Variants in ANTXR2 observed in about 807,000 individuals in gnomAD.
ANTXR2 encodes the protein anthrax toxin receptor 2.
In ANTXR2, 44 loss-of-function variants were observed where a neutral mutation model predicts 73.7. The observed-to-expected ratio is 0.60, with a 90% CI of 0.47 to 0.77. The LOEUF is 0.77. Ranked by LOEUF, ANTXR2 falls within the 30% of genes least tolerant of loss-of-function variation. The probability of loss-of-function intolerance (pLI) is 0.00; values close to 1 mark genes in which losing one functional copy is unlikely to be tolerated. For missense variants in ANTXR2, 604 were observed against 592.5 expected, an observed-to-expected ratio of 1.02 and a Z score of -0.20; for synonymous variants, 217 against 205.9, an observed-to-expected ratio of 1.05 and a Z score of -0.46.
At chr4:80,054,249 C>T (rs1232492068) in intron 7 of ANTXR2, 23 bp downstream of exon 7, 2 of 1,560,370 alleles carry the variant, frequency 1.3e-6, no homozygotes, top group Admixed American at 3.6e-5. Context: ...ATGAGCCCTT[C>T]CTGCCCCCAG....
rs990610692 is a variant in ANTXR2, at chr4:80,072,578, G to A, written c.-18C>T. On this transcript the variant is annotated 5_prime_UTR_variant, in exon 1 of 17. Transcript: ENST00000403729. ...GCCACCATCCTGCGGCCGGGGGCCTGAGACTCCCTCCCGCTCGCAGTCCCC... is the reference window on the plus strand; with the variant it reads ...GCCACCATCCTGCGGCCGGGGGCCTAAGACTCCCTCCCGCTCGCAGTCCCC... 9 of 1,511,290 alleles carry A rather than the reference G, an allele frequency of 6.0e-6. No homozygotes were observed. The highest frequency in any genetic ancestry group is 8.0e-6 in the Non-Finnish European group (9 of 1,131,796). The allele number at this position is 1,511,290 out of a possible 1,614,324, so 93.6% of individuals were successfully genotyped here. A position where few individuals can be genotyped will look rare whatever the true frequency, so the allele number is the denominator to read the frequency against.
intron 1 of ANTXR2, 26 bp from the exon 2 acceptor site, chr4:80,071,680 G>T (rs1433965498): frequency 1.3e-6 from 2 of 1,567,766 alleles, no homozygotes; most frequent in Non-Finnish European, 1.8e-6. Context: ...GAACTGATCA[G>T]AGAAACAAAA....
At chr4:80,043,648 C>T (rs1017231909) in intron 7 of ANTXR2, among the ~76,000 whole-genome samples, 1 of 151,868 alleles carries the variant, frequency 6.6e-6, no homozygotes, top group African/African-American at 2.4e-5. Flanking sequence ...TTCTATTTGG[C>T]AAGGGAGAAG....
intron 12 of ANTXR2, among the ~76,000 whole-genome samples, chr4:80,007,605 A>G (rs1037867182): frequency 1.3e-5 from 2 of 152,190 alleles, no homozygotes; most frequent in Non-Finnish European, 2.9e-5. Flanking sequence ...ATCTAATCCC[A>G]TGGTTCCTTA....
At chr4:79,922,711 A>C (rs1216468190) in intron 16 of ANTXR2, among the ~76,000 whole-genome samples, 3 of 152,080 alleles carry the variant, frequency 2.0e-5, no homozygotes, top group Non-Finnish European at 2.9e-5. Flanking sequence ...ACATAAATCC[A>C]AGAACATGAA....
chr4:80,020,369 C>T (rs999066567), intron 10 of ANTXR2, among the ~76,000 whole-genome samples: 1 of 151,788 alleles, frequency 6.6e-6, no homozygotes, highest in African/African-American at 2.4e-5. Flanking sequence ...TTCAGCAACA[C>T]AGTGAGACTC....
Position 80,072,899 on chromosome 4 carries a change from G to T in ANTXR2, c.-339C>A. 3.5e-6 allele frequency: 1 copy of T among 285,362 alleles called. No individual in the cohort carries two copies. The highest frequency in any genetic ancestry group is 5.9e-6 in the Non-Finnish European group (1 of 170,500). The allele number at this position is 285,362 out of a possible 1,614,324, so 17.7% of individuals were successfully genotyped here. A position where few individuals can be genotyped will look rare whatever the true frequency, so the allele number is the denominator to read the frequency against. Reference sequence around the variant, plus strand: ...AGCTCGCGAAAGGAGTTCCTCTCCGGCCTGGGGCCGAGCCTCCAGCGCCCG... The same window carrying T: ...AGCTCGCGAAAGGAGTTCCTCTCCGTCCTGGGGCCGAGCCTCCAGCGCCCG... On this transcript the variant is annotated 5_prime_UTR_variant, in exon 1 of 17. Transcript: ENST00000403729.
At chr4:79,934,274 A>G (rs960709154) in intron 16 of ANTXR2, among the ~76,000 whole-genome samples, 11 of 152,146 alleles carry the variant, frequency 7.2e-5, no homozygotes, top group African/African-American at 2.7e-4. Context: ...TGCCTATATA[A>G]TCCCAGCACT....
intron 12 of ANTXR2, among the ~76,000 whole-genome samples, chr4:79,997,868 GGAAAGCATCACCAT>G (rs1218044426): frequency 6.6e-6 from 1 of 151,868 alleles, no homozygotes; most frequent in Admixed American, 6.6e-5. Flanking sequence ...ATGCTCTGTC[GGAAAGCATCACCAT>G]GAAAGCATGA....
At chr4:79,945,955 G>A (rs924506420) in intron 16 of ANTXR2, among the ~76,000 whole-genome samples, 1 of 152,114 alleles carries the variant, frequency 6.6e-6, no homozygotes, top group African/African-American at 2.4e-5. Flanking sequence ...AATGTAAGAT[G>A]AAGGTGACAG....
chr4:79,925,963 A>G (rs1462997203), intron 16 of ANTXR2, among the ~76,000 whole-genome samples: 2 of 152,112 alleles, frequency 1.3e-5, no homozygotes, highest in African/African-American at 4.8e-5. Flanking sequence ...ACTATACCTA[A>G]CAAAGTGGAC....
intron 7 of ANTXR2, among the ~76,000 whole-genome samples, chr4:80,042,502 C>G (rs973342165): frequency 2.6e-5 from 4 of 151,946 alleles, no homozygotes; most frequent in Non-Finnish European, 5.9e-5. Flanking sequence ...TCCTCTCCCC[C>G]TCACTGTCTC....
At chr4:79,957,294 T>G (rs767203680) in intron 16 of ANTXR2, among the ~76,000 whole-genome samples, 13 of 152,146 alleles carry the variant, frequency 8.5e-5, no homozygotes, top group Non-Finnish European at 1.9e-4. Context: ...TGCCTGCAGA[T>G]TTTTGCATCT....
intron 16 of ANTXR2, among the ~76,000 whole-genome samples, chr4:79,933,433 C>T (rs1209286442): frequency 6.6e-6 from 1 of 152,016 alleles, no homozygotes; most frequent in African/African-American, 2.4e-5. Flanking sequence ...TATGCTTTAC[C>T]CCATCTCATT....
chr4:80,029,167 A>G (rs1356538446), intron 10 of ANTXR2, among the ~76,000 whole-genome samples: 1 of 152,178 alleles, frequency 6.6e-6, no homozygotes, highest in African/African-American at 2.4e-5. Context: ...ATTAAAGTGT[A>G]TCACTAGCCC....
chr4:79,972,858 C>T lies in ANTXR2; in HGVS notation c.1428+4763G>A, dbSNP rs1578120018. Among the ~76,000 whole-genome samples the T allele has an allele frequency of 2.7e-4, 2 of 7,458 alleles. 1 individual carries two copies. Among genetic ancestry groups the T allele is most frequent in the Non-Finnish European group, 1.2e-3 (2 of 1,670 alleles). The allele number at this position is 7,458 out of a possible 152,430, so 4.9% of individuals were successfully genotyped here. A position where few individuals can be genotyped will look rare whatever the true frequency, so the allele number is the denominator to read the frequency against. On this transcript the variant is annotated intron_variant, in intron 16 of 16. Transcript: ENST00000403729. ...GTGGGTGCAGTGCACCAGCATGGCA[C>T]ATGTATACATATGTAACTAACCTGC...
At chr4:79,928,419 A>G (rs1192747024) in intron 16 of ANTXR2, among the ~76,000 whole-genome samples, 1 of 152,140 alleles carries the variant, frequency 6.6e-6, no homozygotes, top group African/African-American at 2.4e-5. Flanking sequence ...TGAAAAAGAG[A>G]GTTGGATAGT....
intron 16 of ANTXR2, among the ~76,000 whole-genome samples, chr4:79,973,959 T>G (rs577764812): frequency 1.6e-4 from 25 of 152,382 alleles, no homozygotes; most frequent in Admixed American, 8.5e-4. Flanking sequence ...CAAGCTTACC[T>G]GATTTTCTTG....
Position 79,905,137 on chromosome 4 carries a change from A to T in ANTXR2, c.*2292T>A, listed in dbSNP as rs951321206. ...CTACAGAAAGTTATTTTTCCATTTA[A>T]AGGCAGAGGTTAATTTTCATTGTTC... On this transcript the variant is annotated 3_prime_UTR_variant, in exon 17 of 17. Transcript: ENST00000403729. The T allele has an allele frequency of 6.6e-6, 1 of 152,188 alleles. No homozygotes were observed. The highest frequency in any genetic ancestry group is 2.1e-4 in the South Asian group (1 of 4,822). 9.4% of individuals were successfully genotyped at this position (152,188 alleles called of 1,614,324 possible). A position where few individuals can be genotyped will look rare whatever the true frequency, so the allele number is the denominator to read the frequency against.
Sources: allele counts gnomAD v4.1 joint callset (sites outside exome capture counted in the v4.1 genomes callset), GRCh38; gene constraint gnomAD v4.1.1; transcripts MANE v1.5; gene names NCBI Gene and HGNC (gene_info 2026-07-23, HGNC 2026-07-21).